Variants in ERAS observed in about 807,000 individuals in gnomAD.
The protein encoded by ERAS is ES cell expressed Ras.
For synonymous variants in ERAS, 87 were observed against 89.1 expected (o/e 0.98, Z 0.13); for missense variants, 137 against 199.2 (o/e 0.69, Z 1.88).
Position 48,829,568 on chromosome X carries a change from G to A in ERAS, c.445G>A (p.Val149Met), listed in dbSNP as rs1557033040. ...GPHPAQPLVLVGNKCDLVTTA... is the reference protein window; with the variant it reads ...GPHPAQPLVLMGNKCDLVTTA... The stretch of plus-strand genomic sequence containing the variant: ...TCACCCCGCCCAGCCCCTTGTCCTC[G>A]TGGGCAACAAGTGTGACCTTGTGAC... Residue 149 changes from valine to methionine, a missense_variant, in exon 2 of 2, where the codon GTG becomes ATG. By Grantham distance (21) the Val-to-Met change is conservative (BLOSUM62 1). Coordinates refer to ENST00000636362, the MANE Select transcript of ERAS (RefSeq NM_181532.3). 8.3e-7 allele frequency: 1 copy of A among 1,209,913 alleles called. No individual in the cohort carries two copies. Among genetic ancestry groups the A allele is most frequent in the African/African-American group, 1.7e-5 (1 of 57,714 alleles).
rs2063161871 is a variant in ERAS, at chrX:48,827,141, G to C, written c.-44+592G>C. On this transcript the variant is annotated intron_variant, in intron 1 of 1. Coordinates refer to ENST00000636362, the MANE Select transcript of ERAS (RefSeq NM_181532.3). ...CCTGCGCGTCGCGGGGACTGGGCGA[G>C]TGTGGCCCCGTCCCGCCAGGCACCT... 5.4e-5 allele frequency among the ~76,000 whole-genome samples: 6 copies of C among 111,933 alleles called. No individual in the cohort carries two copies. The Admixed American group carries it at 5.6e-4, about 10-fold the overall frequency.
intron 1 of ERAS, among the ~76,000 whole-genome samples, chrX:48,827,133 C>A (rs1338590563): frequency 7.1e-5 from 8 of 111,971 alleles, no homozygotes; most frequent in Non-Finnish European, 1.3e-4. Context: ...GTCGCGGGGA[C>A]TGGGCGAGTG....
At position 48,829,356 on chromosome X, in the gene ERAS, A is replaced by G; in HGVS notation, c.233A>G (p.Tyr78Cys). The change falls in exon 2 of 2, where the codon TAC becomes TGC. Residue 78 changes from tyrosine to cysteine, a missense_variant. Transcript: ENST00000636362. ...EDHDPTIQDS[Y>C]WKELTLDSGD... Reference sequence around the variant, plus strand: ...CACGACCCCACCATCCAGGATTCCTACTGGAAGGAGTTGACCCTGGACAGT... The same window carrying G: ...CACGACCCCACCATCCAGGATTCCTGCTGGAAGGAGTTGACCCTGGACAGT... 8.3e-7 allele frequency: 1 copy of G among 1,211,917 alleles called. No individual in the cohort carries two copies. The highest frequency in any genetic ancestry group is 1.1e-6 in the Non-Finnish European group (1 of 895,305).
At chrX:48,827,642 C>A (rs2063162844) in intron 1 of ERAS, among the ~76,000 whole-genome samples, 1 of 112,025 alleles carries the variant, frequency 8.9e-6, no homozygotes, top group Non-Finnish European at 1.9e-5. Context: ...GCCAGGCTTT[C>A]GGAGGGGAGT....
At chrX:48,829,040 C>A (rs781891384) in intron 1 of ERAS, 41 bp from the exon 2 acceptor site, 4 of 857,902 alleles carry the variant, frequency 4.7e-6, no homozygotes, top group Admixed American at 4.2e-5. Context: ...TCTCCCCTAA[C>A]GTATCCCCTG....
chrX:48,829,400 G>A lies in ERAS; in HGVS notation c.277G>A (p.Val93Met). The A allele has an allele frequency of 8.3e-7, 1 of 1,209,127 alleles. No individual in the cohort carries two copies. Residue 93 changes from valine to methionine, a missense_variant, in exon 2 of 2, where the codon GTG becomes ATG. By Grantham distance (21) the Val-to-Met change is conservative. Transcript: ENST00000636362. ...TLDSGDCILN[V>M]LDTAGQAIHR... ...GGACAGTGGGGACTGCATTCTGAAT[G>A]TGCTGGACACAGCAGGGCAGGCCAT...
At chrX:48,827,868 G>A (rs1466345808) in intron 1 of ERAS, among the ~76,000 whole-genome samples, 2 of 111,501 alleles carry the variant, frequency 1.8e-5, no homozygotes, top group African/African-American at 6.5e-5. Context: ...CAAGGGCAGG[G>A]ACTGGGGTCT....
In ERAS at chrX:48,829,167, C is replaced by T. The variant is rs1557032962; in HGVS notation, c.44C>T (p.Ala15Val). ...TKPGTFDLGLATWSPSFQGET... is the reference protein window; with the variant it reads ...TKPGTFDLGLVTWSPSFQGET... ...CCTGGCACCTTCGACCTGGGCCTGG[C>T]CACATGGAGCCCTTCCTTCCAGGGG... is the stretch of plus-strand genomic sequence containing the variant. The change falls in exon 2 of 2, where the codon GCC (alanine) becomes GTC (valine). Residue 15 changes from alanine to valine, a missense_variant. Ala to Val is a moderately conservative substitution (Grantham distance 64, BLOSUM62 0). Transcript: ENST00000636362. 8.8e-7 allele frequency: 1 copy of T among 1,132,879 alleles called. No homozygotes were observed. Among genetic ancestry groups the T allele is most frequent in the Middle Eastern group, 2.6e-4 (1 of 3,847 alleles). The allele number at this position is 1,132,879 out of a possible 1,213,427, so 93.4% of individuals were successfully genotyped here.
Sources: allele counts gnomAD v4.1 joint callset (sites outside exome capture counted in the v4.1 genomes callset), GRCh38; gene constraint gnomAD v4.1.1; transcripts MANE v1.5; gene names NCBI Gene and HGNC (gene_info 2026-07-23, HGNC 2026-07-21).